CCT7: variants seen among roughly 807,000 people sequenced by gnomAD.
The protein encoded by CCT7 is chaperonin containing TCP1 subunit 7.
CCT7 carries 16 observed loss-of-function variants against 56.6 expected under a neutral mutation model. The ratio of observed to expected loss-of-function variants is 0.28; its 90% CI spans 0.19 to 0.43. CCT7 has a LOEUF of 0.43. Among genes scored for constraint, CCT7 ranks in the 20% least tolerant of loss-of-function variants. The probability of loss-of-function intolerance (pLI) is 1.00; values close to 1 mark genes in which losing one functional copy is unlikely to be tolerated. For synonymous variants in CCT7, 262 were observed against 254.8 expected (o/e 1.03, Z -0.27); for missense variants, 519 against 685.6 (o/e 0.76, Z 2.71).
At chr2:73,248,958 A>G in intron 7 of CCT7, 33 bp from the exon 8 acceptor site, 5 of 1,588,160 alleles carry the variant, frequency 3.1e-6, no homozygotes, top group Non-Finnish European at 4.3e-6. Flanking sequence ...CCTTCACCCC[A>G]AAGCATTCTC....
chr2:73,234,823 GGGGACCTCATATTGTGCCCGCCTA>G (rs1446735966), intron 1 of CCT7, among the ~76,000 whole-genome samples: 1 of 152,210 alleles, frequency 6.6e-6, no homozygotes, highest in East Asian at 1.9e-4. Context: ...CAGGCACATT[GGGGACCTCATATTGTGCCCGCCTA>G]GGGACTCACT....
At chr2:73,239,533 G>A (rs529944770) in intron 1 of CCT7, 110 bp from the exon 2 acceptor site, 1 of 956,228 alleles carries the variant, frequency 1.0e-6, no homozygotes, top group Admixed American at 2.6e-5. Context: ...GGTTTAAGAA[G>A]ACCTCTAGAT....
Position 73,243,246 on chromosome 2 carries a change from T to C in CCT7, c.393+117T>C. The C allele has an allele frequency of 2.8e-6, 3 of 1,067,296 alleles. 1 individual carries two copies. The Middle Eastern group carries it at 6.2e-4, about 222-fold the overall frequency. 66.1% of individuals were successfully genotyped at this position (1,067,296 alleles called of 1,614,324 possible). A position where few individuals can be genotyped will look rare whatever the true frequency, so the allele number is the denominator to read the frequency against. The stretch of plus-strand genomic sequence containing the variant: ...TGGGGAACAGGGTACTTTGGGCATT[T>C]TCTGACATCTCCTTAGTAATCTCAG... On this transcript the variant is annotated intron_variant, in intron 4 of 11. Coordinates refer to ENST00000258091, the MANE Select transcript of CCT7 (RefSeq NM_006429.4).
chr2:73,251,552 A>T (rs1197930102), intron 11 of CCT7, 120 bp downstream of exon 11: 1 of 831,780 alleles, frequency 1.2e-6, no homozygotes, highest in South Asian at 1.7e-5. Flanking sequence ...AACTCCCCCC[A>T]GCCTGTCTGC....
At chr2:73,243,295 A>T (rs1351329393) in intron 4 of CCT7, 166 bp downstream of exon 4, 1 of 700,730 alleles carries the variant, frequency 1.4e-6, no homozygotes, top group Non-Finnish European at 2.4e-6. Context: ...TAGCCATTTG[A>T]TGAGGTGTAT....
In CCT7 at chr2:73,252,868, C is replaced by T. The variant is rs1346477749; in HGVS notation, c.*7C>T. ...TCGTGGCCGCCCCCACTGAGAGGCA[C>T]CCCACCCATCACATGGCTGGCTGGC... On this transcript the variant is annotated 3_prime_UTR_variant, in exon 12 of 12. Coordinates refer to ENST00000258091, the MANE Select transcript of CCT7 (RefSeq NM_006429.4). 2 of 1,606,452 alleles carry T rather than the reference C, an allele frequency of 1.2e-6. No homozygotes were observed. The highest frequency in any genetic ancestry group is 1.7e-6 in the Non-Finnish European group (2 of 1,174,318).
rs773369313 is a variant in CCT7 at position 73,239,813 on chromosome 2, C to T, written c.160+17C>T. 64 of 1,612,968 alleles carry T rather than the reference C, an allele frequency of 4.0e-5. 1 individual carries two copies. The Admixed American group carries it at 1.0e-3, about 25-fold the overall frequency. On this transcript the variant is annotated intron_variant, in intron 2 of 11. Coordinates refer to ENST00000258091, the MANE Select transcript of CCT7 (RefSeq NM_006429.4). ...ATGGCAGAGGTAAGTCTACAGAGTT[C>T]CTCAGGCCTGTGTGCAGGAAAGGAG...
intron 8 of CCT7, 68 bp from the exon 9 acceptor site, chr2:73,249,751 C>T (rs1687492449): frequency 1.6e-5 from 17 of 1,060,014 alleles, no homozygotes; most frequent in South Asian, 2.5e-5. Context: ...GGCTTTGAGA[C>T]GAGGTGGCAG....
rs764877727 is a variant in CCT7, at chr2:73,243,980, A to G, written c.394-17A>G. 5.6e-6 allele frequency: 9 copies of G among 1,613,284 alleles called. No individual in the cohort carries two copies. In the East Asian group the frequency reaches 1.1e-4, roughly 20 times the overall value. On this transcript the variant is annotated splice_polypyrimidine_tract_variant and intron_variant, in intron 4 of 11. Coordinates refer to ENST00000258091, the MANE Select transcript of CCT7 (RefSeq NM_006429.4). ...GTCTTTAGCATGAGAGACTCATTCA[A>G]CTTCTGTTCTTGGCAGGCAGTTAAC...
chr2:73,243,091 C>G lies in CCT7; in HGVS notation c.355C>G (p.Gln119Glu). 6.2e-7 allele frequency: 1 copy of G among 1,614,024 alleles called. No homozygotes were observed. Among genetic ancestry groups the G allele is most frequent in the East Asian group, 2.2e-5 (1 of 44,888 alleles). The change falls in exon 4 of 12, where the codon CAG (glutamine) becomes GAG (glutamate). Residue 119 changes from glutamine to glutamate, a missense_variant. Physicochemically the swap from Gln to Glu is conservative, Grantham distance 29. This residue lies in a region of CCT7 where 276 missense variants were observed against 357.3 expected (regional missense o/e 0.77). Transcript: ENST00000258091. The stretch of plus-strand genomic sequence containing the variant: ...CTATGTGGAGGAAGGTTTACACCCC[C>G]AGATCATCATTCGAGCTTTCCGCAC... ...KPYVEEGLHP[Q>E]IIIRAFRTAT...
At position 73,247,754 on chromosome 2, in the gene CCT7, T is replaced by TG; in HGVS notation, c.619-8_619-7insG. The TG allele has an allele frequency of 6.2e-7, 1 of 1,612,828 alleles. No individual in the cohort carries two copies. Among genetic ancestry groups the TG allele is most frequent in the East Asian group, 2.2e-5 (1 of 44,846 alleles). On this transcript the variant is annotated splice_polypyrimidine_tract_variant and splice_region_variant and intron_variant, in intron 6 of 11. Transcript: ENST00000258091. The stretch of plus-strand genomic sequence containing the variant: ...CAAACCATTAAAGTGTTTGTTTTTT[T>TG]AAAACAGGATTCTCAGCTGGTAGCT...
intron 9 of CCT7, 137 bp from the exon 10 acceptor site, chr2:73,250,169 A>G (rs971118762): frequency 8.0e-5 from 86 of 1,070,312 alleles, no homozygotes; most frequent in South Asian, 4.0e-4. Flanking sequence ...GAAAATGTCT[A>G]TAAGGTTGGG....
chr2:73,250,981 T>TA (rs1687550722), intron 10 of CCT7, among the ~76,000 whole-genome samples: 1 of 152,108 alleles, frequency 6.6e-6, no homozygotes, highest in Admixed American at 6.5e-5. Flanking sequence ...TGTAGTCAGA[T>TA]ATTCCAGTAA....
At chr2:73,240,706 T>C (rs555453660) in intron 3 of CCT7, among the ~76,000 whole-genome samples, 163 bp downstream of exon 3, 7 of 152,216 alleles carry the variant, frequency 4.6e-5, no homozygotes, top group African/African-American at 1.2e-4. Context: ...AAATTCATAC[T>C]ATTTCGTTAC....
Position 73,250,301 on chromosome 2 carries a change from C to T in CCT7, c.1071-5C>T, listed in dbSNP as rs777834320. The T allele has an allele frequency of 6.2e-7, 1 of 1,614,008 alleles. No homozygotes were observed. Among genetic ancestry groups the T allele is most frequent in the South Asian group, 1.1e-5 (1 of 91,060 alleles). ...CATGTGTGTACTGTTTAATCCTGGG[C>T]ATAGGTACAATTTTTTTACTGGCTG... On this transcript the variant is annotated splice_polypyrimidine_tract_variant and splice_region_variant and intron_variant, in intron 9 of 11. Transcript: ENST00000258091.
At chr2:73,249,716 G>A (rs1288259169) in intron 8 of CCT7, 103 bp from the exon 9 acceptor site, 3 of 782,736 alleles carry the variant, frequency 3.8e-6, no homozygotes, top group Non-Finnish European at 7.0e-6. Context: ...GTAATGTAGA[G>A]GCTCTGGGGG....
chr2:73,237,978 C>T (rs1558561675), intron 1 of CCT7, among the ~76,000 whole-genome samples: 1 of 152,152 alleles, frequency 6.6e-6, no homozygotes, highest in Non-Finnish European at 1.5e-5. Context: ...GCTATGATCT[C>T]ACCACTGCAC....
At chr2:73,236,780 A>G (rs894952985) in intron 1 of CCT7, among the ~76,000 whole-genome samples, 22 of 152,126 alleles carry the variant, frequency 1.4e-4, no homozygotes, top group Admixed American at 1.0e-3. Context: ...GCTTGACTCA[A>G]TCCAGCTCTG....
intron 6 of CCT7, among the ~76,000 whole-genome samples, chr2:73,247,186 T>C (rs1687375415): frequency 6.6e-6 from 1 of 152,174 alleles, no homozygotes. Context: ...TTAGAAATTA[T>C]GCAGGGGATT....
Sources: gnomAD v4.1 joint callset for allele counts (sites outside exome capture counted in the v4.1 genomes callset) on GRCh38, gnomAD v4.1.1 for gene constraint, gnomAD v4.1.1 regional missense constraint, MANE v1.5 for transcripts, NCBI Gene and HGNC (gene_info 2026-07-23, HGNC 2026-07-21) for gene names.